SUGCT: variants seen among roughly 807,000 people sequenced by gnomAD.
The protein encoded by SUGCT is succinyl-CoA:glutarate CoA-transferase.
A neutral mutation model predicts 55.0 loss-of-function variants in SUGCT; 41 were observed. The observed-to-expected ratio is 0.74, with a 90% CI of 0.58 to 0.97. The LOEUF (loss-of-function observed/expected upper bound fraction) is 0.97. SUGCT is among the 50% of genes least tolerant of loss of function. The probability of loss-of-function intolerance (pLI) is 0.00; values close to 1 mark genes in which losing one functional copy is unlikely to be tolerated. For missense variants in SUGCT, 568 were observed against 547.8 expected (o/e 1.04, Z -0.37); for synonymous variants, 187 against 200.4 (o/e 0.93, Z 0.56).
chr7:40,941,010 G>A, the SUGCT span, among the ~76,000 whole-genome samples: 5 of 152,016 alleles, frequency 3.3e-5, no homozygotes, highest in Non-Finnish European at 5.9e-5. Context: ...CTGTGGGTTA[G>A]TCATATATTG....
intron 7 of SUGCT, among the ~76,000 whole-genome samples, chr7:40,262,747 TA>T (rs1208796027): frequency 1.3e-5 from 2 of 152,160 alleles, no homozygotes; most frequent in African/African-American, 4.8e-5. Flanking sequence ...CTCACACATT[TA>T]AAATTTTTGC....
chr7:40,902,660 A>G, the SUGCT span, among the ~76,000 whole-genome samples: 365 of 152,100 alleles, frequency 2.4e-3, no homozygotes, highest in African/African-American at 8.6e-3. Flanking sequence ...ATCTCCTTGT[A>G]TTTCTTTTGG....
At chr7:40,181,505 G>A (rs976756471) in intron 2 of SUGCT, among the ~76,000 whole-genome samples, 3 of 152,144 alleles carry the variant, frequency 2.0e-5, no homozygotes, top group Non-Finnish European at 4.4e-5. Flanking sequence ...CAGCACTTTG[G>A]GAGGCTGAGG....
In SUGCT at chr7:40,489,432, G is replaced by T. The variant is rs1236957496; in HGVS notation, c.987-6852G>T. 2.6e-5 allele frequency among the ~76,000 whole-genome samples: 4 copies of T among 152,168 alleles called. No individual in the cohort carries two copies. The East Asian group carries it at 5.8e-4, about 22-fold the overall frequency. Reference sequence around the variant, plus strand: ...GTGGTGGCTCACGCCTTTAATCCCAGAACTTTGGGAGGCCGAGGCAGGAGG... The same window carrying T: ...GTGGTGGCTCACGCCTTTAATCCCATAACTTTGGGAGGCCGAGGCAGGAGG... On this transcript the variant is annotated intron_variant, in intron 11 of 13. Transcript: ENST00000335693.
At chr7:40,183,351 T>G (rs918272287) in intron 3 of SUGCT, among the ~76,000 whole-genome samples, 1 of 152,218 alleles carries the variant, frequency 6.6e-6, no homozygotes, top group East Asian at 1.9e-4. Context: ...TTTGTTTTTA[T>G]TTTTTAGAGA....
intron 12 of SUGCT, among the ~76,000 whole-genome samples, chr7:40,705,751 C>A (rs1785367383): frequency 6.6e-6 from 1 of 152,152 alleles, no homozygotes; most frequent in Non-Finnish European, 1.5e-5. Context: ...AAATTATTGC[C>A]TTTTTCCTTG....
At chr7:40,138,013 TG>T (rs1269393217) in intron 1 of SUGCT, among the ~76,000 whole-genome samples, 4 of 152,172 alleles carry the variant, frequency 2.6e-5, no homozygotes, top group Non-Finnish European at 5.9e-5. Flanking sequence ...CATATATTCA[TG>T]GGGGTACAAG....
At chr7:41,036,413 A>G in the SUGCT span, among the ~76,000 whole-genome samples, 17 of 152,196 alleles carry the variant, frequency 1.1e-4, no homozygotes, top group Non-Finnish European at 2.9e-5. Context: ...ATCTGGTCTG[A>G]CACCAACTGG....
intron 9 of SUGCT, among the ~76,000 whole-genome samples, chr7:40,380,119 A>G (rs1237408590): frequency 1.3e-5 from 2 of 152,180 alleles, no homozygotes; most frequent in Admixed American, 6.5e-5. Flanking sequence ...AATAATGACA[A>G]TTCTGTGCTA....
At chr7:41,009,580 C>G in the SUGCT span, among the ~76,000 whole-genome samples, 2 of 151,874 alleles carry the variant, frequency 1.3e-5, no homozygotes, top group Non-Finnish European at 2.9e-5. Flanking sequence ...CATCCACCAT[C>G]CATCCTTTCT....
In SUGCT at chr7:40,262,417, G is replaced by A. The variant is rs531746617; in HGVS notation, c.577-12096G>A. 2.7e-5 allele frequency among the ~76,000 whole-genome samples: 4 copies of A among 150,776 alleles called. 1 individual carries two copies. Among genetic ancestry groups the A allele is most frequent in the South Asian group, 4.2e-4 (2 of 4,768 alleles). On this transcript the variant is annotated intron_variant, in intron 7 of 13. Transcript: ENST00000335693. Reference sequence around the variant, plus strand: ...TGTAGTCTCAGCACTTTGGGAGGCCGAGGTGGGCGAATCGTGAGGTCAGGA... The same window carrying A: ...TGTAGTCTCAGCACTTTGGGAGGCCAAGGTGGGCGAATCGTGAGGTCAGGA...
chr7:40,417,523 A>C (rs953471404), intron 9 of SUGCT, among the ~76,000 whole-genome samples: 1 of 151,792 alleles, frequency 6.6e-6, no homozygotes, highest in South Asian at 2.1e-4. Context: ...TGAACATTTT[A>C]TTGTGCTTTT....
intron 9 of SUGCT, among the ~76,000 whole-genome samples, chr7:40,383,949 A>C (rs1695391252): frequency 6.6e-6 from 1 of 152,066 alleles, no homozygotes; most frequent in South Asian, 2.1e-4. Context: ...AAATGCTTGA[A>C]AGGTAGCTTG....
intron 8 of SUGCT, among the ~76,000 whole-genome samples, chr7:40,292,834 C>A (rs975625631): frequency 6.6e-6 from 1 of 152,112 alleles, no homozygotes; most frequent in African/African-American, 2.4e-5. Flanking sequence ...TACAGAAGCT[C>A]TTGACTTGAG....
intron 9 of SUGCT, among the ~76,000 whole-genome samples, chr7:40,428,987 T>G (rs1185272046): frequency 6.6e-6 from 1 of 152,182 alleles, no homozygotes; most frequent in African/African-American, 2.4e-5. Flanking sequence ...TTCTCCTCCT[T>G]TTTTTCTTTT....
chr7:40,278,121 TATGAA>T (rs1792662277), intron 8 of SUGCT, among the ~76,000 whole-genome samples: 1 of 152,108 alleles, frequency 6.6e-6, no homozygotes, highest in South Asian at 2.1e-4. Flanking sequence ...GGGCAAAGGA[TATGAA>T]CAGACACTTC....
chr7:40,297,396 A>G (rs1201205772), intron 8 of SUGCT, among the ~76,000 whole-genome samples: 5 of 152,132 alleles, frequency 3.3e-5, no homozygotes, highest in African/African-American at 1.2e-4. Context: ...TAAATGAAAC[A>G]TGCTGATGGC....
intron 12 of SUGCT, among the ~76,000 whole-genome samples, chr7:40,735,677 T>A (rs1192778730): frequency 1.3e-5 from 2 of 152,072 alleles, no homozygotes; most frequent in Non-Finnish European, 2.9e-5. Flanking sequence ...GTCAGCAATG[T>A]CAGTGGGTGA....
chr7:40,960,259 T>C, the SUGCT span, among the ~76,000 whole-genome samples: 1 of 152,168 alleles, frequency 6.6e-6, no homozygotes, highest in Non-Finnish European at 1.5e-5. Context: ...TTGCACACTC[T>C]CCTTCAAAAG....
Sources: allele counts gnomAD v4.1 joint callset (sites outside exome capture counted in the v4.1 genomes callset), GRCh38; gene constraint gnomAD v4.1.1; transcripts MANE v1.5; gene names NCBI Gene and HGNC (gene_info 2026-07-23, HGNC 2026-07-21).